Variants in USH2A observed in about 807,000 individuals in gnomAD.
USH2A encodes the protein Usher syndrome 2A (autosomal recessive, mild).
A neutral mutation model predicts 538.9 loss-of-function variants in USH2A; 443 were observed. The observed-to-expected ratio is 0.82, with a 90% CI of 0.76 to 0.89. The LOEUF (loss-of-function observed/expected upper bound fraction) is 0.89. Ranked by LOEUF, USH2A falls within the 40% of genes least tolerant of loss-of-function variation. USH2A has a pLI of 0.00. For synonymous variants in USH2A, 2,413 were observed against 2,273.5 expected (o/e 1.06, Z -1.75); for missense variants, 6,633 against 6,324.8 (o/e 1.05, Z -1.65).
chr1:215,806,863 TC>T (rs1174107616), intron 49 of USH2A, among the ~76,000 whole-genome samples: 3 of 152,094 alleles, frequency 2.0e-5, no homozygotes, highest in Non-Finnish European at 2.9e-5. Flanking sequence ...AGCATTTTTT[TC>T]ATATATTCTT....
At chr1:216,129,081 G>T (rs952933096) in intron 21 of USH2A, among the ~76,000 whole-genome samples, 3 of 151,890 alleles carry the variant, frequency 2.0e-5, no homozygotes, top group African/African-American at 7.3e-5. Flanking sequence ...CAAACGACTG[G>T]ATTTTATTCT....
chr1:215,906,259 A>G (rs1476852088), intron 38 of USH2A, among the ~76,000 whole-genome samples: 1 of 152,142 alleles, frequency 6.6e-6, no homozygotes, highest in Non-Finnish European at 1.5e-5. Flanking sequence ...GTCTTTCACC[A>G]GAGCGAACTT....
intron 11 of USH2A, among the ~76,000 whole-genome samples, chr1:216,289,005 A>G (rs2036943059): frequency 6.6e-6 from 1 of 152,142 alleles, no homozygotes; most frequent in Admixed American, 6.6e-5. Flanking sequence ...CAAGACATAT[A>G]CCCCAATTTA....
chr1:215,845,020 T>G (rs1386615486), intron 45 of USH2A, among the ~76,000 whole-genome samples: 1 of 151,624 alleles, frequency 6.6e-6, no homozygotes, highest in Non-Finnish European at 1.5e-5. Flanking sequence ...TTACCATAGG[T>G]AATGATGAAA....
At chr1:215,874,204 C>T (rs961903363) in intron 43 of USH2A, among the ~76,000 whole-genome samples, 1 of 152,142 alleles carries the variant, frequency 6.6e-6, no homozygotes, top group Non-Finnish European at 1.5e-5. Flanking sequence ...ATGAAAATGT[C>T]AGGAAACCCA....
intron 21 of USH2A, among the ~76,000 whole-genome samples, chr1:216,133,306 T>C (rs1291688464): frequency 2.6e-5 from 4 of 152,120 alleles, no homozygotes; most frequent in Non-Finnish European, 5.9e-5. Flanking sequence ...GCAGGACCAA[T>C]AGGCTAGTTT....
At chr1:215,898,499 C>T (rs573591737) in intron 40 of USH2A, among the ~76,000 whole-genome samples, 1 of 152,096 alleles carries the variant, frequency 6.6e-6, no homozygotes, top group Non-Finnish European at 1.5e-5. Flanking sequence ...CAGGTCATGG[C>T]CCTCATTCAG....
chr1:216,179,628 C>T (rs1364571125), intron 20 of USH2A, among the ~76,000 whole-genome samples: 1 of 152,016 alleles, frequency 6.6e-6, no homozygotes, highest in Non-Finnish European at 1.5e-5. Flanking sequence ...CAGAGTTCTT[C>T]TAAGGCTGGA....
At chr1:215,677,440 T>C (rs994274738) in intron 62 of USH2A, among the ~76,000 whole-genome samples, 7 of 152,172 alleles carry the variant, frequency 4.6e-5, no homozygotes, top group South Asian at 2.1e-4. Context: ...CTGCTTTTCT[T>C]TTCATCTAAA....
Position 215,912,499 on chromosome 1 carries a change from A to ATATACG in USH2A, c.7301-11595_7301-11594insCGTATA, listed in dbSNP as rs1553275508. 0.011 allele frequency among the ~76,000 whole-genome samples: 456 copies of ATATACG among 43,180 alleles called. 7 individuals carry two copies. In the East Asian group the frequency reaches 0.11, roughly 10 times the overall value. 28.3% of individuals were successfully genotyped at this position (43,180 alleles called of 152,430 possible). ...TACGTATATATATATATGTGTATAT[A>ATATACG]TATATATATATACGTGTATATATAT... On this transcript the variant is annotated intron_variant, in intron 38 of 71. Coordinates refer to ENST00000307340, the MANE Select transcript of USH2A (RefSeq NM_206933.4).
At chr1:216,210,149 T>C (rs1405290190) in intron 15 of USH2A, among the ~76,000 whole-genome samples, 1 of 152,022 alleles carries the variant, frequency 6.6e-6, no homozygotes, top group African/African-American at 2.4e-5. Context: ...TCGATTAGTA[T>C]GAAATCATAC....
intron 21 of USH2A, among the ~76,000 whole-genome samples, chr1:216,144,996 C>T (rs1018678261): frequency 3.3e-4 from 50 of 152,106 alleles, no homozygotes; most frequent in African/African-American, 1.2e-3. Flanking sequence ...CAAGGCTAGG[C>T]AAGATTCCTG....
intron 9 of USH2A, among the ~76,000 whole-genome samples, chr1:216,319,911 TAACTAACTAA>T (rs2102648195): frequency 6.6e-6 from 1 of 152,248 alleles, no homozygotes; most frequent in South Asian, 2.1e-4. Flanking sequence ...AGAAGTGAAG[TAACTAACTAA>T]AACACAAGTG....
chr1:216,125,108 G>C (rs941665935), intron 21 of USH2A, among the ~76,000 whole-genome samples: 1 of 151,980 alleles, frequency 6.6e-6, no homozygotes, highest in African/African-American at 2.4e-5. Context: ...TCTTGAATGA[G>C]AATTACATTT....
intron 21 of USH2A, among the ~76,000 whole-genome samples, chr1:216,105,462 G>C (rs2032708344): frequency 6.6e-6 from 1 of 151,920 alleles, no homozygotes; most frequent in Non-Finnish European, 1.5e-5. Flanking sequence ...ATTGACATTG[G>C]AAGTCTGAGT....
intron 20 of USH2A, among the ~76,000 whole-genome samples, chr1:216,178,419 C>A (rs1278780808): frequency 6.6e-6 from 1 of 152,126 alleles, no homozygotes; most frequent in East Asian, 1.9e-4. Flanking sequence ...CTAAGCCATT[C>A]AGAAATTTCT....
At chr1:215,845,129 C>T (rs1327631843) in intron 45 of USH2A, among the ~76,000 whole-genome samples, 1 of 152,084 alleles carries the variant, frequency 6.6e-6, no homozygotes, top group Non-Finnish European at 1.5e-5. Flanking sequence ...CATAAGAACC[C>T]ATCTTAACTA....
intron 71 of USH2A, among the ~76,000 whole-genome samples, chr1:215,627,505 TTTCCTTCC>T (rs753062915): frequency 4.8e-4 from 65 of 134,338 alleles, no homozygotes; most frequent in Admixed American, 8.3e-4. Flanking sequence ...TCCTTCCTTC[TTTCCTTCC>T]TTCCTTCCTT....
intron 43 of USH2A, among the ~76,000 whole-genome samples, chr1:215,870,980 G>C (rs1664611086): frequency 6.6e-6 from 1 of 152,020 alleles, no homozygotes; most frequent in African/African-American, 2.4e-5. Context: ...GGCATGTCTT[G>C]AAAAATGTCC....
Sources: allele counts gnomAD v4.1 joint callset (sites outside exome capture counted in the v4.1 genomes callset), GRCh38; gene constraint gnomAD v4.1.1; transcripts MANE v1.5; gene names NCBI Gene and HGNC (gene_info 2026-07-23, HGNC 2026-07-21).